Variants in CACNG2 observed in about 807,000 individuals in gnomAD.
CACNG2 encodes voltage-dependent calcium channel gamma-2 subunit.
Under a neutral mutation model 25.9 loss-of-function variants are expected in CACNG2, and 3 were observed. That is an observed-to-expected ratio of 0.12 (90% CI 0.05 to 0.30). The LOEUF (loss-of-function observed/expected upper bound fraction) is 0.30. Among genes scored for constraint, CACNG2 ranks in the 10% least tolerant of loss-of-function variants. CACNG2 has a pLI of 1.00. For synonymous variants in CACNG2, 167 were observed against 173.3 expected (o/e 0.96, Z 0.29); for missense variants, 341 against 432.5 (o/e 0.79, Z 1.88).
intron 1 of CACNG2, among the ~76,000 whole-genome samples, chr22:36,682,928 T>C (rs1379537776): frequency 3.3e-5 from 5 of 152,086 alleles, no homozygotes; most frequent in Admixed American, 3.3e-4. Context: ...AAATCTTCCT[T>C]TTTTTTTCTC....
intron 1 of CACNG2, among the ~76,000 whole-genome samples, chr22:36,679,170 C>T (rs1203664157): frequency 8.3e-6 from 1 of 120,930 alleles, no homozygotes; most frequent in African/African-American, 3.4e-5. Flanking sequence ...TCCTTCCTTC[C>T]TTCCTTCCTT....
At chr22:36,619,444 T>C (rs1936073305) in intron 1 of CACNG2, among the ~76,000 whole-genome samples, 1 of 152,226 alleles carries the variant, frequency 6.6e-6, no homozygotes, top group Non-Finnish European at 1.5e-5. Flanking sequence ...ACAATGTTGA[T>C]TGAATGCGAT....
At chr22:36,652,650 G>C (rs1936637268) in intron 1 of CACNG2, among the ~76,000 whole-genome samples, 1 of 152,070 alleles carries the variant, frequency 6.6e-6, no homozygotes, top group South Asian at 2.1e-4. Flanking sequence ...TGTTTTGCTG[G>C]ATGACTCTTT....
chr22:36,566,529 G>T (rs964939414), intron 2 of CACNG2, 36 bp from the exon 3 acceptor site: 3 of 1,612,622 alleles, frequency 1.9e-6, no homozygotes, highest in Non-Finnish European at 2.5e-6. Flanking sequence ...AAAGAGAACG[G>T]CATGGCTGTG....
chr22:36,702,884 A>AC lies in CACNG2; in HGVS notation c.-309dup, dbSNP rs924675522. On this transcript the variant is annotated 5_prime_UTR_variant, in exon 1 of 4. Coordinates refer to ENST00000300105, the MANE Select transcript of CACNG2 (RefSeq NM_006078.5). Reference sequence around the variant, plus strand: ...AAAAAAAAATAAAAAGACACCCCCCACCCCCCCAAGTGAGATGCCTTAATC... The same window carrying AC: ...AAAAAAAAATAAAAAGACACCCCCCACCCCCCCCAAGTGAGATGCCTTAATC... The AC allele has an allele frequency of 5.1e-5, 12 of 235,280 alleles. No individual in the cohort carries two copies. Among genetic ancestry groups the AC allele is most frequent in the Non-Finnish European group, 8.5e-5 (11 of 130,010 alleles). The allele number at this position is 235,280 out of a possible 1,614,324, so 14.6% of individuals were successfully genotyped here.
intron 1 of CACNG2, among the ~76,000 whole-genome samples, chr22:36,614,909 T>G (rs1324359383): frequency 6.6e-6 from 1 of 152,222 alleles, no homozygotes; most frequent in Non-Finnish European, 1.5e-5. Flanking sequence ...CTTCGGAGTC[T>G]GGGGGAAGAA....
intron 1 of CACNG2, among the ~76,000 whole-genome samples, chr22:36,654,693 C>T (rs766693256): frequency 5.9e-5 from 9 of 152,126 alleles, no homozygotes; most frequent in East Asian, 5.8e-4. Flanking sequence ...TAACTTCAGA[C>T]GCATAAAAAA....
intron 2 of CACNG2, among the ~76,000 whole-genome samples, chr22:36,575,472 C>A (rs1012151263): frequency 3.9e-5 from 6 of 151,960 alleles, no homozygotes; most frequent in African/African-American, 1.5e-4. Context: ...GCACGCGGGG[C>A]CCCGAGGTTT....
intron 1 of CACNG2, among the ~76,000 whole-genome samples, chr22:36,690,996 C>T (rs964550903): frequency 9.6e-6 from 1 of 104,564 alleles, no homozygotes; most frequent in African/African-American, 2.6e-5. Flanking sequence ...CCTTGTTCTC[C>T]CGCAATAGTA....
intron 1 of CACNG2, among the ~76,000 whole-genome samples, chr22:36,602,106 A>G (rs113098666): frequency 2.0e-5 from 3 of 152,222 alleles, no homozygotes; most frequent in African/African-American, 4.8e-5. Context: ...CCTATTGGCC[A>G]TTTTAATGTC....
At chr22:36,582,700 C>T (rs772163167) in intron 2 of CACNG2, among the ~76,000 whole-genome samples, 4 of 151,800 alleles carry the variant, frequency 2.6e-5, no homozygotes, top group East Asian at 1.9e-4. Context: ...CCCGCCACCA[C>T]GCCTGGCCAC....
intron 1 of CACNG2, among the ~76,000 whole-genome samples, chr22:36,605,569 T>A (rs1046130846): frequency 7.2e-5 from 11 of 152,340 alleles, no homozygotes; most frequent in African/African-American, 2.6e-4. Flanking sequence ...ACATTCTAGT[T>A]ATGCCACTGA....
chr22:36,663,749 C>A (rs546371342), intron 1 of CACNG2, among the ~76,000 whole-genome samples: 1 of 152,122 alleles, frequency 6.6e-6, no homozygotes, highest in Non-Finnish European at 1.5e-5. Flanking sequence ...CTAGCAGGAC[C>A]GCGTCATGGG....
chr22:36,591,650 T>C (rs143076715), intron 1 of CACNG2, among the ~76,000 whole-genome samples: 266 of 152,174 alleles, frequency 1.7e-3, no homozygotes, highest in Middle Eastern at 6.8e-3. Context: ...TCCAGTCTGG[T>C]GACAGAGCAA....
Position 36,651,901 on chromosome 22 carries a change from T to C in CACNG2, c.211+50465A>G, listed in dbSNP as rs181467592. ...GTTTTTGAGACAGAGTCTCGCTCTG[T>C]TGCCCAGGTTGGAGTGCAGTGGCGT... On this transcript the variant is annotated intron_variant, in intron 1 of 3. Transcript: ENST00000300105. Among the ~76,000 whole-genome samples, 276 of 152,278 alleles carry C rather than the reference T, an allele frequency of 1.8e-3. 1 individual carries two copies. Among genetic ancestry groups the C allele is most frequent in the Non-Finnish European group, 3.3e-3 (226 of 68,016 alleles).
chr22:36,700,875 A>G (rs1937403049), intron 1 of CACNG2, among the ~76,000 whole-genome samples: 1 of 152,226 alleles, frequency 6.6e-6, no homozygotes, highest in Non-Finnish European at 1.5e-5. Flanking sequence ...CGCTCAATGA[A>G]GTCACTTAGC....
At chr22:36,617,037 A>T (rs1936031675) in intron 1 of CACNG2, among the ~76,000 whole-genome samples, 1 of 152,048 alleles carries the variant, frequency 6.6e-6, no homozygotes, top group Non-Finnish European at 1.5e-5. Flanking sequence ...GGGCTCCTGG[A>T]GATGTGTAAC....
intron 1 of CACNG2, among the ~76,000 whole-genome samples, chr22:36,624,972 G>A (rs1422977167): frequency 7.8e-6 from 1 of 128,746 alleles, no homozygotes; most frequent in African/African-American, 2.9e-5. Context: ...AGGTTGCCGT[G>A]AGCCGAGATC....
At chr22:36,644,385 T>C (rs1480411147) in intron 1 of CACNG2, among the ~76,000 whole-genome samples, 2 of 152,226 alleles carry the variant, frequency 1.3e-5, no homozygotes, top group African/African-American at 4.8e-5. Flanking sequence ...CACTAGGTCT[T>C]TGAGAGCTGC....
Sources: allele counts gnomAD v4.1 joint callset (sites outside exome capture counted in the v4.1 genomes callset), GRCh38; gene constraint gnomAD v4.1.1; transcripts MANE v1.5; gene names NCBI Gene and HGNC (gene_info 2026-07-23, HGNC 2026-07-21).